Variants in ZC3H18 observed in about 807,000 individuals in gnomAD.
The protein encoded by ZC3H18 is zinc finger CCCH-type containing 18, also known as zinc finger CCCH domain-containing protein 18.
A neutral mutation model predicts 106.1 loss-of-function variants in ZC3H18; 8 were observed. That is an observed-to-expected ratio of 0.08 (90% CI 0.04 to 0.14). The LOEUF (loss-of-function observed/expected upper bound fraction) is 0.14. ZC3H18 is among the 10% of genes least tolerant of loss of function. ZC3H18 has a pLI of 1.00. For synonymous variants in ZC3H18, 635 were observed against 522.1 expected (o/e 1.22, Z -2.95); for missense variants, 1,318 against 1,278.4 (o/e 1.03, Z -0.47).
At chr16:88,587,907 G>T (rs778829119) in intron 3 of ZC3H18, among the ~76,000 whole-genome samples, 1 of 152,228 alleles carries the variant, frequency 6.6e-6, no homozygotes, top group Non-Finnish European at 1.5e-5. Flanking sequence ...ATGATGTGGG[G>T]CTCATGGGAA....
chr16:88,627,819 C>G lies in ZC3H18; in HGVS notation c.2269+37C>G, dbSNP rs1484155703. 6.2e-7 allele frequency: 1 copy of G among 1,609,948 alleles called. No homozygotes were observed. The highest frequency in any genetic ancestry group is 8.5e-7 in the Non-Finnish European group (1 of 1,177,184). ...CCCTGGTACCTTTGGGGAGCAGCTCCCGGGGGAGGAGGGCGGCATCAGCAC... is the reference window on the plus strand; with the variant it reads ...CCCTGGTACCTTTGGGGAGCAGCTCGCGGGGGAGGAGGGCGGCATCAGCAC... On this transcript the variant is annotated intron_variant, in intron 14 of 17. Coordinates refer to ENST00000301011, the MANE Select transcript of ZC3H18 (RefSeq NM_144604.4). The surrounding 1 kb of genome is among the most constrained non-coding windows in gnomAD (Gnocchi z 4.5).
intron 6 of ZC3H18, among the ~76,000 whole-genome samples, chr16:88,603,687 A>T (rs570938896): frequency 6.7e-6 from 1 of 149,330 alleles, no homozygotes; most frequent in African/African-American, 2.5e-5. Context: ...CAGTGGCGCA[A>T]TCTGGGCTCA....
chr16:88,601,343 G>A (rs777611282), intron 6 of ZC3H18, among the ~76,000 whole-genome samples: 1 of 152,172 alleles, frequency 6.6e-6, no homozygotes, highest in African/African-American at 2.4e-5. Flanking sequence ...TGTGGATATC[G>A]TCTTTCCTTC....
intron 2 of ZC3H18, among the ~76,000 whole-genome samples, chr16:88,585,328 G>C (rs193229593): frequency 2.0e-5 from 3 of 152,360 alleles, no homozygotes. Flanking sequence ...CGTAAATCCA[G>C]GGTTTGGTTT....
At chr16:88,591,223 G>A (rs1270904168) in intron 3 of ZC3H18, among the ~76,000 whole-genome samples, 1 of 151,792 alleles carries the variant, frequency 6.6e-6, no homozygotes, top group African/African-American at 2.4e-5. Context: ...GCCCTCCTCG[G>A]CCTCCCAAAG....
At chr16:88,574,143 G>A (rs1252353177) in intron 1 of ZC3H18, among the ~76,000 whole-genome samples, 2 of 151,948 alleles carry the variant, frequency 1.3e-5, no homozygotes, top group African/African-American at 2.4e-5. Context: ...CCAAAGTGCT[G>A]GGATTACAGG....
At chr16:88,580,051 C>T (rs1915011284) in intron 2 of ZC3H18, among the ~76,000 whole-genome samples, 3 of 152,186 alleles carry the variant, frequency 2.0e-5, no homozygotes, top group Admixed American at 1.3e-4. Flanking sequence ...CTTGTTCCCA[C>T]GCCCAGCAGC....
At chr16:88,584,094 T>C (rs1308856777) in intron 2 of ZC3H18, among the ~76,000 whole-genome samples, 1 of 152,222 alleles carries the variant, frequency 6.6e-6, no homozygotes, top group Non-Finnish European at 1.5e-5. Flanking sequence ...AGGTTAAATA[T>C]TTTGTTATTT....
At chr16:88,624,557 C>T (rs1416913257) in intron 11 of ZC3H18, 45 bp from the exon 12 acceptor site, 3 of 1,612,342 alleles carry the variant, frequency 1.9e-6, no homozygotes, top group African/African-American at 1.3e-5. Flanking sequence ...GCCAGCGGGG[C>T]CCCGTCCACC....
intron 1 of ZC3H18, among the ~76,000 whole-genome samples, chr16:88,572,143 G>A (rs925675797): frequency 6.6e-6 from 1 of 152,232 alleles, no homozygotes; most frequent in Non-Finnish European, 1.5e-5. Flanking sequence ...CTTGAGAGGA[G>A]GAAGATTTGC....
At position 88,577,369 on chromosome 16, in the gene ZC3H18, C is replaced by T; in HGVS notation, c.246C>T (p.Asp82=). 1 of 1,597,956 alleles carries T rather than the reference C, an allele frequency of 6.3e-7. No homozygotes were observed. The highest frequency in any genetic ancestry group is 8.5e-7 in the Non-Finnish European group (1 of 1,170,400). The part of the protein sequence containing the change: ...RASEPKSQDQ[D]SEVNELSRGP... ...GTGAGCCTAAATCCCAAGACCAGGACTCAGAGGTGAATGAGCTGAGCCGGG... is the reference window on the plus strand; with the variant it reads ...GTGAGCCTAAATCCCAAGACCAGGATTCAGAGGTGAATGAGCTGAGCCGGG... The change falls in exon 2 of 18, where the codon GAC becomes GAT. Residue 82 remains aspartate (D), a synonymous_variant. Coordinates refer to ENST00000301011, the MANE Select transcript of ZC3H18 (RefSeq NM_144604.4).
chr16:88,598,028 C>T lies in ZC3H18; in HGVS notation c.689-150C>T, dbSNP rs912289796. The T allele has an allele frequency of 2.2e-5, 17 of 776,940 alleles. No homozygotes were observed. In the African/African-American group the frequency reaches 2.9e-4, roughly 13 times the overall value. 48.1% of individuals were successfully genotyped at this position (776,940 alleles called of 1,614,324 possible). A position where few individuals can be genotyped will look rare whatever the true frequency, so the allele number is the denominator to read the frequency against. On this transcript the variant is annotated intron_variant, in intron 3 of 17. Transcript: ENST00000301011. ...TCAGCCTCTCCAGGCTCATCCCGCC[C>T]ACCTCCCCGTTCAGTTCCCACTACT...
chr16:88,596,963 C>A (rs11644924), intron 3 of ZC3H18, among the ~76,000 whole-genome samples: 1 of 152,062 alleles, frequency 6.6e-6, no homozygotes, highest in Non-Finnish European at 1.5e-5. Context: ...CTCTGTTGCC[C>A]AGGCTGGAGT....
chr16:88,607,717 C>T (rs1406037335), intron 6 of ZC3H18, among the ~76,000 whole-genome samples: 3 of 151,580 alleles, frequency 2.0e-5, no homozygotes, highest in Non-Finnish European at 4.4e-5. Flanking sequence ...CCCATTTATT[C>T]ACACACACTT....
At chr16:88,594,362 T>C (rs1352054164) in intron 3 of ZC3H18, among the ~76,000 whole-genome samples, 1 of 152,206 alleles carries the variant, frequency 6.6e-6, no homozygotes, top group African/African-American at 2.4e-5. Context: ...ATGACACATA[T>C]AAACCAAGTA....
At position 88,631,203 on chromosome 16, in the gene ZC3H18, C is replaced by T. The variant is rs1245569972; in HGVS notation, c.2766C>T (p.Ala922=). ...CCGCCAGCACCAAATCAGGGAAGGC[C>T]AGCACGCTGTCTCGGCGGGAGGAGC... ...PGAASTKSGK[A]STLSRREELL... is the part of the protein sequence containing the mutation. Residue 922 remains alanine (A), a synonymous_variant, in exon 18 of 18, where the codon GCC becomes GCT. Coordinates refer to ENST00000301011, the MANE Select transcript of ZC3H18 (RefSeq NM_144604.4). 2.5e-6 allele frequency: 4 copies of T among 1,613,894 alleles called. No homozygotes were observed. In the South Asian group the frequency reaches 3.3e-5, roughly 13 times the overall value.
intron 2 of ZC3H18, among the ~76,000 whole-genome samples, chr16:88,579,457 T>G (rs576876584): frequency 5.8e-4 from 88 of 152,184 alleles, no homozygotes; most frequent in African/African-American, 2.0e-3. Context: ...TGGGGGAGAT[T>G]CATCAGACGG....
At chr16:88,600,871 T>A (rs981536209) in intron 6 of ZC3H18, among the ~76,000 whole-genome samples, 1 of 152,254 alleles carries the variant, frequency 6.6e-6, no homozygotes, top group African/African-American at 2.4e-5. Flanking sequence ...TGGATTATAA[T>A]TCGGGCAGAT....
intron 7 of ZC3H18, 56 bp from the exon 8 acceptor site, chr16:88,611,212 G>A: frequency 1.4e-6 from 1 of 717,632 alleles, no homozygotes; most frequent in Non-Finnish European, 2.6e-6. Flanking sequence ...GGCTTTCAGT[G>A]CCTCTGTCAC....
Sources: gnomAD v4.1 joint callset for allele counts (sites outside exome capture counted in the v4.1 genomes callset) on GRCh38, gnomAD v4.1.1 for gene constraint, Gnocchi (gnomAD v3.1) non-coding constraint, MANE v1.5 for transcripts, NCBI Gene and HGNC (gene_info 2026-07-23, HGNC 2026-07-21) for gene names.